CSMD1: variants seen among roughly 807,000 people sequenced by gnomAD.
CSMD1 encodes CUB and Sushi multiple domains 1.
CSMD1 carries 213 observed loss-of-function variants against 417.5 expected under a neutral mutation model. The ratio of observed to expected loss-of-function variants is 0.51; its 90% CI spans 0.46 to 0.57. The LOEUF (loss-of-function observed/expected upper bound fraction) is 0.57. Among genes scored for constraint, CSMD1 ranks in the 20% least tolerant of loss-of-function variants. CSMD1 has a pLI of 0.00. For missense variants in CSMD1, 6,923 were observed against 4,529.7 expected (o/e 1.53, Z -15.17); for synonymous variants, 2,862 against 1,736.8 (o/e 1.65, Z -16.11).
chr8:3,349,879 C>T (rs376169404), intron 21 of CSMD1, among the ~76,000 whole-genome samples: 1 of 80,354 alleles, frequency 1.2e-5, no homozygotes. Flanking sequence ...ATATTTATAT[C>T]TATATATATA....
intron 3 of CSMD1, among the ~76,000 whole-genome samples, chr8:4,318,944 A>G (rs189879336): frequency 8.7e-4 from 133 of 152,296 alleles, no homozygotes; most frequent in Non-Finnish European, 1.5e-3. Flanking sequence ...CTCTTTATTA[A>G]AAACAAAATG....
chr8:3,836,960 T>A (rs895131117), intron 5 of CSMD1, among the ~76,000 whole-genome samples: 1 of 151,984 alleles, frequency 6.6e-6, no homozygotes, highest in Admixed American at 6.6e-5. Context: ...AAATAAAAAG[T>A]TTTATAAAAG....
At chr8:4,159,011 A>G (rs1796995059) in intron 3 of CSMD1, among the ~76,000 whole-genome samples, 2 of 152,020 alleles carry the variant, frequency 1.3e-5, no homozygotes, top group African/African-American at 4.8e-5. Context: ...CACCTCCCAG[A>G]TTCAAGCGAT....
At chr8:3,803,394 G>A (rs1327312874) in intron 5 of CSMD1, among the ~76,000 whole-genome samples, 2 of 152,196 alleles carry the variant, frequency 1.3e-5, no homozygotes, top group Non-Finnish European at 2.9e-5. Flanking sequence ...CCACGCTGGA[G>A]AGGAAACAGG....
At chr8:4,936,925 T>C (rs1158156633) in intron 1 of CSMD1, among the ~76,000 whole-genome samples, 3 of 152,262 alleles carry the variant, frequency 2.0e-5, no homozygotes, top group Non-Finnish European at 4.4e-5. Context: ...AATGTTATTT[T>C]TGTTGTCGGC....
intron 5 of CSMD1, among the ~76,000 whole-genome samples, chr8:3,932,701 G>T (rs1810236389): frequency 6.6e-6 from 1 of 150,512 alleles, no homozygotes; most frequent in Non-Finnish European, 1.5e-5. Context: ...GTAATTCATT[G>T]TGGTGGACTC....
At chr8:3,593,642 T>C (rs1202056982) in intron 8 of CSMD1, among the ~76,000 whole-genome samples, 1 of 152,214 alleles carries the variant, frequency 6.6e-6, no homozygotes, top group East Asian at 1.9e-4. Flanking sequence ...GTTTTCTGAC[T>C]CAGACAAAAT....
At chr8:4,516,443 G>A (rs777743010) in intron 2 of CSMD1, among the ~76,000 whole-genome samples, 5 of 152,168 alleles carry the variant, frequency 3.3e-5, no homozygotes, top group African/African-American at 9.7e-5. Flanking sequence ...CTGCCCCAGA[G>A]ACGCCTCACC....
intron 3 of CSMD1, among the ~76,000 whole-genome samples, chr8:4,211,411 A>G (rs1469884396): frequency 1.3e-5 from 2 of 152,196 alleles, no homozygotes; most frequent in African/African-American, 4.8e-5. Flanking sequence ...CTAAATCAGC[A>G]TCACTGAATT....
At chr8:3,747,048 C>T (rs1338880861) in intron 6 of CSMD1, among the ~76,000 whole-genome samples, 1 of 152,204 alleles carries the variant, frequency 6.6e-6, no homozygotes, top group Non-Finnish European at 1.5e-5. Context: ...TATCCACCAC[C>T]CCTCAACTAA....
intron 57 of CSMD1, among the ~76,000 whole-genome samples, chr8:2,969,787 A>C (rs1169818221): frequency 2.0e-5 from 3 of 152,184 alleles, no homozygotes; most frequent in Non-Finnish European, 2.9e-5. Context: ...ATTCTCCAAA[A>C]TGTATTTCAA....
At chr8:4,059,428 G>A (rs973059737) in intron 3 of CSMD1, among the ~76,000 whole-genome samples, 1 of 152,072 alleles carries the variant, frequency 6.6e-6, no homozygotes, top group Admixed American at 6.5e-5. Flanking sequence ...CAGAAGGCAA[G>A]AAATAACTAA....
At chr8:4,448,888 C>A (rs1798969711) in intron 2 of CSMD1, among the ~76,000 whole-genome samples, 1 of 152,192 alleles carries the variant, frequency 6.6e-6, no homozygotes, top group Non-Finnish European at 1.5e-5. Context: ...ACCAAGTAAA[C>A]ACACACATGC....
intron 5 of CSMD1, among the ~76,000 whole-genome samples, chr8:3,880,496 A>G (rs1380210731): frequency 1.3e-5 from 2 of 152,214 alleles, no homozygotes; most frequent in African/African-American, 2.4e-5. Context: ...CCTTAGAGTT[A>G]TAAATAAAAT....
At chr8:4,828,428 G>C (rs992613118) in intron 1 of CSMD1, among the ~76,000 whole-genome samples, 1 of 152,094 alleles carries the variant, frequency 6.6e-6, no homozygotes, top group Non-Finnish European at 1.5e-5. Context: ...CAAAGCAGGG[G>C]AGTTGACAGA....
chr8:4,928,399 G>T (rs1243301806), intron 1 of CSMD1, among the ~76,000 whole-genome samples: 3 of 152,156 alleles, frequency 2.0e-5, no homozygotes, highest in Non-Finnish European at 4.4e-5. Context: ...AAGAGCTGGG[G>T]CTTTCCCTGA....
intron 56 of CSMD1, among the ~76,000 whole-genome samples, chr8:2,973,692 G>T (rs963554713): frequency 2.0e-5 from 3 of 152,004 alleles, no homozygotes; most frequent in African/African-American, 7.2e-5. Context: ...CAAAGGAGAG[G>T]TTTAGCTCTT....
intron 2 of CSMD1, among the ~76,000 whole-genome samples, chr8:4,469,700 C>G (rs779865041): frequency 3.9e-5 from 6 of 152,062 alleles, no homozygotes; most frequent in Non-Finnish European, 7.4e-5. Context: ...ACAGGCCTAA[C>G]GTCACCACTT....
intron 1 of CSMD1, among the ~76,000 whole-genome samples, chr8:4,662,582 G>A (rs1297209224): frequency 6.6e-6 from 1 of 152,118 alleles, no homozygotes; most frequent in African/African-American, 2.4e-5. Context: ...TCATTCATGT[G>A]CCCAACAATG....
Sources: allele counts gnomAD v4.1 joint callset (sites outside exome capture counted in the v4.1 genomes callset), GRCh38; gene constraint gnomAD v4.1.1; transcripts MANE v1.5; gene names NCBI Gene and HGNC (gene_info 2026-07-23, HGNC 2026-07-21).